RANBP2: variants seen among roughly 807,000 people sequenced by gnomAD.
RANBP2 encodes the protein E3 SUMO-protein ligase RanBP2.
A neutral mutation model predicts 303.6 loss-of-function variants in RANBP2; 57 were observed. That is an observed-to-expected ratio of 0.19 (90% CI 0.15 to 0.23). The LOEUF is 0.23. Ranked by LOEUF, RANBP2 falls within the 10% of genes least tolerant of loss-of-function variation. The pLI, the probability that RANBP2 is intolerant of heterozygous loss-of-function variation, is 1.00. For synonymous variants in RANBP2, 1,167 were observed against 1,301.5 expected, an observed-to-expected ratio of 0.90 and a Z score of 2.23; for missense variants, 3,138 against 3,780.8, an observed-to-expected ratio of 0.83 and a Z score of 4.46.
the RANBP2 span, among the ~76,000 whole-genome samples, chr2:109,408,667 G>A: frequency 1.8e-3 from 279 of 152,356 alleles, 4 homozygotes; most frequent in African/African-American, 6.3e-3. Flanking sequence ...ACAGAAGGAT[G>A]GATAGACGGA....
chr2:109,674,192 C>T, the RANBP2 span, among the ~76,000 whole-genome samples: 1 of 151,930 alleles, frequency 6.6e-6, no homozygotes, highest in Non-Finnish European at 1.5e-5. Flanking sequence ...TGCCTACATC[C>T]TATTTTAAAC....
the RANBP2 span, among the ~76,000 whole-genome samples, chr2:108,950,355 A>G: frequency 6.6e-6 from 1 of 151,406 alleles, no homozygotes; most frequent in South Asian, 2.1e-4. Context: ...GGCTCGAATG[A>G]TCCTCCCGCC....
chr2:109,272,609 G>A, the RANBP2 span, among the ~76,000 whole-genome samples: 3 of 152,232 alleles, frequency 2.0e-5, no homozygotes, highest in Non-Finnish European at 2.9e-5. Flanking sequence ...TGCTGCAGGC[G>A]AGTGGTGAGC....
the RANBP2 span, among the ~76,000 whole-genome samples, chr2:109,317,290 G>A: frequency 5.9e-5 from 9 of 152,242 alleles, no homozygotes; most frequent in Middle Eastern, 6.8e-3. Flanking sequence ...CTTGCCCATG[G>A]TGACAGGGCG....
chr2:109,450,919 G>A, the RANBP2 span, among the ~76,000 whole-genome samples: 1 of 152,370 alleles, frequency 6.6e-6, no homozygotes, highest in South Asian at 2.1e-4. Context: ...ACTAGATGGT[G>A]TGTTCCAGGC....
chr2:109,343,864 C>T, the RANBP2 span, among the ~76,000 whole-genome samples: 1 of 152,144 alleles, frequency 6.6e-6, no homozygotes, highest in South Asian at 2.1e-4. Context: ...CTTGCCTCAG[C>T]CTCCCAATAG....
chr2:109,714,334 G>A, the RANBP2 span, among the ~76,000 whole-genome samples: 4 of 151,748 alleles, frequency 2.6e-5, no homozygotes, highest in South Asian at 6.2e-4. Context: ...ACGGAGTCTC[G>A]CTCTGTCGCC....
the RANBP2 span, among the ~76,000 whole-genome samples, chr2:109,610,095 G>GTTTTTTTTTTTTTTTTTTTTTTTTTTTT: frequency 4.8e-4 from 69 of 143,428 alleles, no homozygotes; most frequent in African/African-American, 1.7e-3. Context: ...TCCCTGAGGT[G>GTTTTTTTTTTTTTTTTTTTTTTTTTTTT]TTTTTTTTTT....
chr2:109,600,008 C>A, the RANBP2 span, among the ~76,000 whole-genome samples: 1 of 152,160 alleles, frequency 6.6e-6, no homozygotes, highest in Non-Finnish European at 1.5e-5. Context: ...CTGTGGCCTA[C>A]AAAGATTGCA....
the RANBP2 span, among the ~76,000 whole-genome samples, chr2:109,322,410 G>A: frequency 2.0e-5 from 3 of 152,198 alleles, no homozygotes; most frequent in East Asian, 3.9e-4. Flanking sequence ...GAATCCAGGA[G>A]CCTGAACTAG....
the RANBP2 span, among the ~76,000 whole-genome samples, chr2:109,454,851 A>G: frequency 6.6e-6 from 1 of 152,132 alleles, no homozygotes; most frequent in Non-Finnish European, 1.5e-5. Context: ...ATTGTAGACT[A>G]AAGAGAATTG....
the RANBP2 span, among the ~76,000 whole-genome samples, chr2:109,601,675 C>A: frequency 1.3e-5 from 2 of 151,958 alleles, no homozygotes; most frequent in Admixed American, 6.6e-5. Flanking sequence ...CTGACCCTTC[C>A]AGTTTTCATA....
the RANBP2 span, among the ~76,000 whole-genome samples, chr2:109,039,356 A>G: frequency 4.1e-5 from 6 of 147,724 alleles, no homozygotes; most frequent in African/African-American, 1.2e-4. Flanking sequence ...GTCTTTTAAG[A>G]TTTTTTTTTT....
At chr2:108,774,607 C>T (rs1677743783) in intron 23 of RANBP2, among the ~76,000 whole-genome samples, 1 of 152,162 alleles carries the variant, frequency 6.6e-6, no homozygotes, top group Non-Finnish European at 1.5e-5. Flanking sequence ...ACCAATGAAA[C>T]CACGTCTGGA....
At chr2:108,953,165 T>A in the RANBP2 span, among the ~76,000 whole-genome samples, 1 of 152,346 alleles carries the variant, frequency 6.6e-6, no homozygotes, top group East Asian at 1.9e-4. Flanking sequence ...GAGTCTCTAT[T>A]GAAAGCTCAA....
At chr2:109,626,363 G>A in the RANBP2 span, among the ~76,000 whole-genome samples, 29 of 152,270 alleles carry the variant, frequency 1.9e-4, no homozygotes, top group Admixed American at 6.5e-4. Context: ...CAGCTACTCG[G>A]GAGGATGAGG....
the RANBP2 span, among the ~76,000 whole-genome samples, chr2:109,054,550 A>G: frequency 6.6e-6 from 1 of 152,084 alleles, no homozygotes; most frequent in South Asian, 2.1e-4. Context: ...AAATACAAAT[A>G]TTAGCTGGGC....
the RANBP2 span, among the ~76,000 whole-genome samples, chr2:108,853,916 A>G: frequency 8.2e-6 from 1 of 122,034 alleles, no homozygotes. Context: ...ATTATATAGT[A>G]TATATATTAT....
At chr2:109,358,205 T>A in the RANBP2 span, among the ~76,000 whole-genome samples, 1 of 152,236 alleles carries the variant, frequency 6.6e-6, no homozygotes. Flanking sequence ...GGTCCTTCCA[T>A]GTCTTTTCAT....
Sources: allele counts gnomAD v4.1 joint callset (sites outside exome capture counted in the v4.1 genomes callset), GRCh38; gene constraint gnomAD v4.1.1; transcripts MANE v1.5; gene names NCBI Gene and HGNC (gene_info 2026-07-23, HGNC 2026-07-21).